Variants in GLCCI1 observed in about 807,000 individuals in gnomAD.
GLCCI1 encodes the protein glucocorticoid induced 1, also known as glucocorticoid-induced transcript 1 protein.
Under a neutral mutation model 52.2 loss-of-function variants are expected in GLCCI1, and 24 were observed. The observed-to-expected ratio is 0.46, with a 90% confidence interval of 0.33 to 0.65. The LOEUF (loss-of-function observed/expected upper bound fraction) is 0.65. Among genes scored for constraint, GLCCI1 ranks in the 30% least tolerant of loss-of-function variants. The pLI is 0.02. For missense variants in GLCCI1, 704 were observed against 701.5 expected, an observed-to-expected ratio of 1.00 and a Z score of -0.04; for synonymous variants, 310 against 276.5, an observed-to-expected ratio of 1.12 and a Z score of -1.20.
At chr7:8,027,371 C>T (rs1430310189) in intron 3 of GLCCI1, among the ~76,000 whole-genome samples, 1 of 152,100 alleles carries the variant, frequency 6.6e-6, no homozygotes, top group Non-Finnish European at 1.5e-5. Flanking sequence ...ACCTGTAGTC[C>T]CAGCTACTGG....
intron 2 of GLCCI1, 49 bp downstream of exon 2, chr7:8,004,108 T>C: frequency 6.6e-7 from 1 of 1,510,790 alleles, no homozygotes; most frequent in Non-Finnish European, 9.0e-7. Flanking sequence ...CTTCTTCTGT[T>C]TTGATCACAG....
intron 1 of GLCCI1, among the ~76,000 whole-genome samples, chr7:7,989,385 A>G (rs1306536281): frequency 2.0e-5 from 3 of 152,082 alleles, no homozygotes; most frequent in Non-Finnish European, 4.4e-5. Flanking sequence ...AACCTGTTCT[A>G]TTTTTGTGTT....
rs565854246 is a variant in GLCCI1, at chr7:7,984,455, CTGTGG to C, written c.457+14650_457+14654del. On this transcript the variant is annotated intron_variant, in intron 1 of 7. Transcript: ENST00000223145. The stretch of plus-strand genomic sequence containing the variant: ...ATGTTTTTATAGTCCCTCCTAAAGA[CTGTGG>C]TAATACTGAGCTCCAAGTAAGGAGA... Among the ~76,000 whole-genome samples, 1,078 of 152,262 alleles carry C rather than the reference CTGTGG, an allele frequency of 7.1e-3. 7 individuals are homozygous for C. The highest frequency in any genetic ancestry group is 0.012 in the Non-Finnish European group (830 of 68,012).
chr7:7,982,426 A>T (rs937994960), intron 1 of GLCCI1, among the ~76,000 whole-genome samples: 1 of 152,196 alleles, frequency 6.6e-6, no homozygotes, highest in Non-Finnish European at 1.5e-5. Context: ...ACTTTTTTAC[A>T]CTAATGTTAT....
intron 2 of GLCCI1, among the ~76,000 whole-genome samples, chr7:8,010,544 C>CAGA (rs1337992913): frequency 6.6e-6 from 1 of 152,020 alleles, no homozygotes; most frequent in Non-Finnish European, 1.5e-5. Context: ...ATAATTATCC[C>CAGA]AGAATGTTTT....
intron 2 of GLCCI1, among the ~76,000 whole-genome samples, chr7:8,015,992 T>C (rs1223168800): frequency 3.9e-5 from 6 of 152,154 alleles, no homozygotes; most frequent in Non-Finnish European, 5.9e-5. Context: ...GTGAAATAGG[T>C]TGTATTTATT....
chr7:8,046,793 C>T (rs1006432904), intron 3 of GLCCI1, among the ~76,000 whole-genome samples: 2 of 152,162 alleles, frequency 1.3e-5, no homozygotes, highest in African/African-American at 4.8e-5. Flanking sequence ...TGACATGGGC[C>T]ATGGTCACTC....
At chr7:8,022,601 GT>G (rs1221316763) in intron 3 of GLCCI1, 32 bp downstream of exon 3, 4 of 1,429,124 alleles carry the variant, frequency 2.8e-6, no homozygotes, top group Non-Finnish European at 1.9e-6. Flanking sequence ...TCTGTAACCT[GT>G]TTTGGTCCTA....
intron 2 of GLCCI1, among the ~76,000 whole-genome samples, chr7:8,015,071 T>A (rs1479900101): frequency 6.6e-6 from 1 of 152,204 alleles, no homozygotes; most frequent in Non-Finnish European, 1.5e-5. Context: ...AAGAAACAGA[T>A]CCAGACTAAG....
intron 1 of GLCCI1, among the ~76,000 whole-genome samples, chr7:7,991,892 A>G (rs75127836): frequency 0.05 from 7,546 of 152,086 alleles, 306 homozygotes; most frequent in East Asian, 0.19. Flanking sequence ...GCAAAAACCT[A>G]TTGATGGTTT....
Position 8,071,149 on chromosome 7 carries a change from C to T in GLCCI1, c.1177+18C>T, listed in dbSNP as rs745713958. 2.6e-5 allele frequency: 41 copies of T among 1,601,140 alleles called. No homozygotes were observed. In the Admixed American group the frequency reaches 4.0e-4, roughly 16 times the overall value. ...TGATAAAGGTAAGAATGGAATTGTC[C>T]ACTTAGAGGGTTTGTTATGGGCCTT... is the stretch of plus-strand genomic sequence containing the variant. On this transcript the variant is annotated intron_variant, in intron 6 of 7. Transcript: ENST00000223145.
chr7:8,064,513 T>G (rs769534738), intron 5 of GLCCI1, among the ~76,000 whole-genome samples: 1 of 152,176 alleles, frequency 6.6e-6, no homozygotes, highest in African/African-American at 2.4e-5. Context: ...CCTTGTAATA[T>G]AGTATGAAGT....
chr7:8,041,194 G>A (rs1001831081), intron 3 of GLCCI1, among the ~76,000 whole-genome samples: 2 of 152,174 alleles, frequency 1.3e-5, no homozygotes, highest in African/African-American at 4.8e-5. Context: ...GAGTGGACTA[G>A]ATAAAAGATC....
intron 3 of GLCCI1, among the ~76,000 whole-genome samples, chr7:8,051,714 T>C (rs1180343814): frequency 2.0e-5 from 3 of 152,212 alleles, no homozygotes; most frequent in African/African-American, 7.2e-5. Flanking sequence ...TAATTTATAT[T>C]TCCCTCATTA....
intron 1 of GLCCI1, among the ~76,000 whole-genome samples, chr7:7,997,577 T>G (rs996751553): frequency 1.3e-5 from 2 of 152,158 alleles, no homozygotes; most frequent in Admixed American, 6.5e-5. Flanking sequence ...TATGAATAAG[T>G]GAAGTTAAAC....
At chr7:7,974,157 T>A (rs888760543) in intron 1 of GLCCI1, among the ~76,000 whole-genome samples, 4 of 152,184 alleles carry the variant, frequency 2.6e-5, no homozygotes, top group African/African-American at 9.6e-5. Context: ...AGAGCAGCAG[T>A]GTTCATTATT....
intron 1 of GLCCI1, among the ~76,000 whole-genome samples, chr7:7,979,820 A>G (rs1457154855): frequency 6.6e-6 from 1 of 152,202 alleles, no homozygotes; most frequent in East Asian, 1.9e-4. Flanking sequence ...GCTATTGCTG[A>G]GCTAGAATGG....
intron 2 of GLCCI1, among the ~76,000 whole-genome samples, chr7:8,018,639 G>GT (rs1781423591): frequency 1.3e-5 from 2 of 152,112 alleles, no homozygotes; most frequent in Admixed American, 6.5e-5. Flanking sequence ...CTTCCAGGGA[G>GT]TGAGAATAGA....
At chr7:8,059,975 T>C in intron 4 of GLCCI1, 121 bp from the exon 5 acceptor site, 1 of 816,986 alleles carries the variant, frequency 1.2e-6, no homozygotes, top group Middle Eastern at 2.4e-4. Context: ...AATTTTATTG[T>C]ATTTGAAAGG....
Sources: allele counts gnomAD v4.1 joint callset (sites outside exome capture counted in the v4.1 genomes callset), GRCh38; gene constraint gnomAD v4.1.1; transcripts MANE v1.5; gene names NCBI Gene and HGNC (gene_info 2026-07-23, HGNC 2026-07-21).